Variants in FSD1L observed in about 807,000 individuals in gnomAD.
The protein encoded by FSD1L is FSD1-like protein.
A neutral mutation model predicts 71.6 loss-of-function variants in FSD1L; 45 were observed. The ratio of observed to expected loss-of-function variants is 0.63; its 90% CI spans 0.49 to 0.81. The LOEUF (loss-of-function observed/expected upper bound fraction) is 0.81, where lower values mean the gene tolerates loss of function less well. Among genes scored for constraint, FSD1L ranks in the 30% least tolerant of loss-of-function variants. The pLI, the probability that FSD1L is intolerant of heterozygous loss-of-function variation, is 0.00. For synonymous variants in FSD1L, 197 were observed against 207.2 expected (o/e 0.95, Z 0.42); for missense variants, 561 against 618.1 (o/e 0.91, Z 0.98).
intron 7 of FSD1L, among the ~76,000 whole-genome samples, chr9:105,503,861 A>C (rs773980850): frequency 1.8e-4 from 27 of 152,104 alleles, no homozygotes; most frequent in Non-Finnish European, 3.5e-4. Flanking sequence ...TGTCCCTCCC[A>C]CGTGTCACCA....
intron 10 of FSD1L, chr9:105,520,473 T>A: frequency 9.5e-7 from 1 of 1,054,956 alleles, no homozygotes; most frequent in Non-Finnish European, 1.5e-6. Context: ...AACAGAAAGG[T>A]CACAAGTCTC....
At position 105,499,051 on chromosome 9, in the gene FSD1L, A is replaced by C. The variant is rs576366491; in HGVS notation, c.587-7348A>C. On this transcript the variant is annotated intron_variant, in intron 7 of 13. Transcript: ENST00000481272. ...TTTGTTAATGTGTGTTTTACAGCCC[A>C]GAATGTAGTCTTTGTCTTGGCAAAT... Among the ~76,000 whole-genome samples, 161 of 152,356 alleles carry C rather than the reference A, an allele frequency of 1.1e-3. 1 individual carries two copies. Among genetic ancestry groups the C allele is most frequent in the Non-Finnish European group, 1.9e-3 (131 of 68,038 alleles).
intron 7 of FSD1L, among the ~76,000 whole-genome samples, chr9:105,501,284 T>A (rs1362814347): frequency 1.3e-5 from 2 of 152,196 alleles, no homozygotes; most frequent in African/African-American, 2.4e-5. Flanking sequence ...ATGATAGTTA[T>A]AGCAGTCTAT....
At chr9:105,487,703 G>A (rs1832644773) in intron 7 of FSD1L, among the ~76,000 whole-genome samples, 1 of 151,934 alleles carries the variant, frequency 6.6e-6, no homozygotes, top group Admixed American at 6.6e-5. Context: ...TGAATTTATG[G>A]TGATTTTTTT....
In FSD1L at chr9:105,521,419, A is replaced by T. The variant is rs1467326360; in HGVS notation, c.1025+8483A>T. The T allele has an allele frequency of 1.9e-6, 3 of 1,614,066 alleles. No homozygotes were observed. The Admixed American group carries it at 5.0e-5, about 27-fold the overall frequency. ...TCTAGTCTCTGTAGTATTGATGAAG[A>T]ACATCTCACAGACATTGAAATAGTT... On this transcript the variant is annotated intron_variant, in intron 10 of 13. Coordinates refer to ENST00000481272, the MANE Select transcript of FSD1L (RefSeq NM_001145313.3).
chr9:105,450,891 A>G (rs924617660), intron 1 of FSD1L, among the ~76,000 whole-genome samples: 4 of 152,168 alleles, frequency 2.6e-5, no homozygotes, highest in Non-Finnish European at 5.9e-5. Context: ...AAATACTGTT[A>G]GCTACTGTTA....
intron 10 of FSD1L, chr9:105,530,675 C>T: frequency 1.7e-6 from 1 of 596,132 alleles, no homozygotes; most frequent in East Asian, 3.0e-5. Context: ...TCTCAGCAGA[C>T]ACTCTGACCA....
chr9:105,469,627 T>G (rs1336319076), intron 4 of FSD1L, among the ~76,000 whole-genome samples: 1 of 152,076 alleles, frequency 6.6e-6, no homozygotes, highest in Non-Finnish European at 1.5e-5. Context: ...ACTTGGGGTT[T>G]TTGGTGGTTG....
In FSD1L at chr9:105,448,064, GGCGCGC is replaced by G; in HGVS notation, c.-153_-148del. Reference sequence around the variant, plus strand: ...ACCCTGGCAACCGCGGCGTGACTACGGCGCGCGCGGTCTGGGCGCGGACGGGTGGGG... The same window carrying G: ...ACCCTGGCAACCGCGGCGTGACTACGGCGGTCTGGGCGCGGACGGGTGGGG... On this transcript the variant is annotated 5_prime_UTR_variant, in exon 1 of 14. Transcript: ENST00000481272. 1 of 802,110 alleles carries G rather than the reference GGCGCGC, an allele frequency of 1.2e-6. No individual in the cohort carries two copies. The highest frequency in any genetic ancestry group is 2.0e-6 in the Non-Finnish European group (1 of 489,452). The allele number at this position is 802,110 out of a possible 1,614,324, so 49.7% of individuals were successfully genotyped here.
At chr9:105,453,044 G>GTTTTTTT (rs774826229) in intron 1 of FSD1L, among the ~76,000 whole-genome samples, 115 of 88,210 alleles carry the variant, frequency 1.3e-3, no homozygotes, top group African/African-American at 2.2e-3. Context: ...ACCTAAAGTT[G>GTTTTTTT]TTTTTTTTTT....
chr9:105,494,329 C>T (rs7865160), intron 7 of FSD1L, among the ~76,000 whole-genome samples: 40,784 of 151,528 alleles, frequency 0.27, 5,614 homozygotes, highest in Non-Finnish European at 0.31. Flanking sequence ...ACGTAGTTCT[C>T]GAGCCTTGGC....
chr9:105,492,822 C>G (rs1388120522), intron 7 of FSD1L, among the ~76,000 whole-genome samples: 2 of 152,130 alleles, frequency 1.3e-5, no homozygotes, highest in Non-Finnish European at 2.9e-5. Flanking sequence ...GAGTGAGTTT[C>G]TTAATCCTGA....
intron 2 of FSD1L, among the ~76,000 whole-genome samples, chr9:105,462,661 T>C (rs1467408606): frequency 6.6e-6 from 1 of 150,520 alleles, no homozygotes; most frequent in Non-Finnish European, 1.5e-5. Flanking sequence ...TAGCTGGGAT[T>C]ACAGGTGCAT....
chr9:105,477,724 CAATT>C (rs1395890624), intron 5 of FSD1L, among the ~76,000 whole-genome samples: 5 of 152,056 alleles, frequency 3.3e-5, no homozygotes, highest in Admixed American at 2.6e-4. Context: ...ATTAAAAAAT[CAATT>C]AAATTAACTT....
At chr9:105,500,166 T>A (rs1316539045) in intron 7 of FSD1L, among the ~76,000 whole-genome samples, 1 of 152,234 alleles carries the variant, frequency 6.6e-6, no homozygotes, top group Non-Finnish European at 1.5e-5. Flanking sequence ...GTCTGATAAT[T>A]CCAGCATTTC....
upstream of FSD1L, among the ~76,000 whole-genome samples, chr9:105,445,863 G>A (rs1184738027): frequency 6.6e-6 from 1 of 152,142 alleles, no homozygotes; most frequent in African/African-American, 2.4e-5. Flanking sequence ...CTAAGAGATG[G>A]GCATCTCTTT....
intron 13 of FSD1L, among the ~76,000 whole-genome samples, chr9:105,541,327 T>C (rs1296360928): frequency 6.6e-6 from 1 of 150,720 alleles, no homozygotes; most frequent in African/African-American, 2.4e-5. Context: ...ACCTCTGCCA[T>C]ATTACGCATT....
chr9:105,531,486 G>T (rs921560146), intron 10 of FSD1L, among the ~76,000 whole-genome samples: 1 of 152,198 alleles, frequency 6.6e-6, no homozygotes, highest in African/African-American at 2.4e-5. Flanking sequence ...AAGCACTGGG[G>T]CTTAAAGTGA....
At chr9:105,512,571 A>G (rs898814876) in intron 9 of FSD1L, among the ~76,000 whole-genome samples, 1 of 152,094 alleles carries the variant, frequency 6.6e-6, no homozygotes, top group Non-Finnish European at 1.5e-5. Flanking sequence ...ATGCAAGTAC[A>G]TTGTATTTGG....
Sources: gnomAD v4.1 joint callset for allele counts (sites outside exome capture counted in the v4.1 genomes callset) on GRCh38, gnomAD v4.1.1 for gene constraint, MANE v1.5 for transcripts, NCBI Gene and HGNC (gene_info 2026-07-23, HGNC 2026-07-21) for gene names.